VWF: variants seen among roughly 807,000 people sequenced by gnomAD.
The protein encoded by VWF is von Willebrand factor, also known as Factor VIII related antigen.
VWF carries 176 observed loss-of-function variants against 308.6 expected under a neutral mutation model. The ratio of observed to expected loss-of-function variants is 0.57; its 90% CI spans 0.50 to 0.65. The LOEUF is 0.65. Ranked by LOEUF, VWF falls within the 30% of genes least tolerant of loss-of-function variation. VWF has a pLI of 0.00. For missense variants in VWF, 3,146 were observed against 3,648.2 expected (o/e 0.86, Z 3.55); for synonymous variants, 1,385 against 1,443.4 (o/e 0.96, Z 0.92).
At position 6,013,788 on chromosome 12, in the gene VWF, G is replaced by A. The variant is rs74056780; in HGVS notation, c.5456-143C>T. 0.015 allele frequency: 13,983 copies of A among 930,730 alleles called. 1,109 individuals carry two copies. In the African/African-American group the frequency reaches 0.19, roughly 12 times the overall value. 57.7% of individuals were successfully genotyped at this position (930,730 alleles called of 1,614,324 possible). A position where few individuals can be genotyped will look rare whatever the true frequency, so the allele number is the denominator to read the frequency against. ...ATCAGCCCTATGAGGAAGATGTTCA[G>A]TCAACAGATATTAATGAGCTGCTAC... On this transcript the variant is annotated intron_variant, in intron 31 of 51. Coordinates refer to ENST00000261405, the MANE Select transcript of VWF (RefSeq NM_000552.5).
chr12:5,955,341 A>G (rs1001841775), intron 47 of VWF, among the ~76,000 whole-genome samples: 4 of 151,980 alleles, frequency 2.6e-5, no homozygotes, highest in African/African-American at 4.8e-5. Context: ...AGCATTACGT[A>G]TATCTCCTAA....
intron 10 of VWF, among the ~76,000 whole-genome samples, chr12:6,067,063 C>T (rs1944723512): frequency 6.6e-6 from 1 of 152,314 alleles, no homozygotes; most frequent in African/African-American, 2.4e-5. Flanking sequence ...CAGCATGGCC[C>T]ACCTTCTCCG....
At chr12:5,994,679 A>T in intron 35 of VWF, 72 bp from the exon 36 acceptor site, 1 of 1,396,928 alleles carries the variant, frequency 7.2e-7, no homozygotes, top group Non-Finnish European at 1.0e-6. Context: ...GAAGTTACCG[A>T]GAGTTCCTGC....
chr12:5,956,307 C>A (rs1459870179), intron 47 of VWF, among the ~76,000 whole-genome samples: 1 of 152,130 alleles, frequency 6.6e-6, no homozygotes. Flanking sequence ...AAAACAGCCT[C>A]GGGTAGGTCC....
At position 6,058,483 on chromosome 12, in the gene VWF, G is replaced by T. The variant is rs1408953828; in HGVS notation, c.1534-439C>A. Among the ~76,000 whole-genome samples the T allele has an allele frequency of 4.6e-5, 7 of 152,258 alleles. No homozygotes were observed. Among genetic ancestry groups the T allele is most frequent in the Non-Finnish European group, 4.4e-5 (3 of 68,026 alleles). ...CACCCAGAGTTACGTGCAAACTCAA[G>T]GCCCCTCTATATAGAAAGACTTCGC... is the stretch of plus-strand genomic sequence containing the variant. On this transcript the variant is annotated intron_variant, in intron 13 of 51. Coordinates refer to ENST00000261405, the MANE Select transcript of VWF (RefSeq NM_000552.5). This position sits in a 1 kb window ranked among gnomAD's most constrained non-coding sequence, Gnocchi z 4.9.
intron 13 of VWF, 92 bp downstream of exon 13, chr12:6,062,862 C>T: frequency 9.6e-7 from 1 of 1,044,566 alleles, no homozygotes; most frequent in Non-Finnish European, 1.4e-6. Context: ...AGGAATTCTT[C>T]TCCCACCACA....
rs1436657662 is a variant in VWF at position 6,075,426 on chromosome 12, C to T, written c.783G>A (p.Leu261=). ...CCAGGAGGGCAGGGCAGGCGCACTC[C>T]AGCCCCCCAGCACACTCACACAAAG... ...EKTLCECAGG[L]ECACPALLEY... The change falls in exon 7 of 52, where the codon CTG becomes CTA. Residue 261 remains leucine (L), a synonymous_variant. Transcript: ENST00000261405. The surrounding 1 kb of genome is among the most constrained non-coding windows in gnomAD (Gnocchi z 4.7). The T allele has an allele frequency of 1.9e-6, 3 of 1,614,176 alleles. No individual in the cohort carries two copies. The highest frequency in any genetic ancestry group is 1.1e-5 in the South Asian group (1 of 91,080).
At chr12:6,070,631 A>G (rs1482101302) in intron 10 of VWF, among the ~76,000 whole-genome samples, 1 of 152,236 alleles carries the variant, frequency 6.6e-6, no homozygotes, top group African/African-American at 2.4e-5. Context: ...CATAGAAAAC[A>G]CCACGTGAGT....
At chr12:6,091,975 G>A (rs1945039743) in intron 6 of VWF, among the ~76,000 whole-genome samples, 1 of 152,122 alleles carries the variant, frequency 6.6e-6, no homozygotes, top group African/African-American at 2.4e-5. Flanking sequence ...CTCTGCTGAT[G>A]GGCTGCGCAC....
chr12:6,010,905 T>C lies in VWF; in HGVS notation c.5842+712A>G, dbSNP rs559082538. ...TCTTCTGACAAAGTAACTATAGAAT[T>C]CTTTATGAATAAACAGAAGAAACCT... On this transcript the variant is annotated intron_variant, in intron 34 of 51. Transcript: ENST00000261405. 1.1e-4 allele frequency among the ~76,000 whole-genome samples: 16 copies of C among 152,322 alleles called. No individual in the cohort carries two copies. In the South Asian group the frequency reaches 3.1e-3, roughly 30 times the overall value.
intron 5 of VWF, among the ~76,000 whole-genome samples, chr12:6,105,401 A>T (rs1303923303): frequency 6.6e-6 from 1 of 151,884 alleles, no homozygotes; most frequent in Non-Finnish European, 1.5e-5. Context: ...GCTAATTTTT[A>T]TATTTTTAGT....
At chr12:6,050,591 A>G (rs1944497583) in intron 16 of VWF, among the ~76,000 whole-genome samples, 1 of 152,176 alleles carries the variant, frequency 6.6e-6, no homozygotes, top group African/African-American at 2.4e-5. Context: ...GCATGCGTTC[A>G]TGCCAGAGGA....
chr12:5,988,025 G>C (rs961984238), intron 38 of VWF, among the ~76,000 whole-genome samples: 4 of 152,140 alleles, frequency 2.6e-5, no homozygotes, highest in African/African-American at 9.7e-5. Flanking sequence ...AAAAATAAAA[G>C]AGCAGTAAGA....
intron 14 of VWF, among the ~76,000 whole-genome samples, 187 bp from the exon 15 acceptor site, chr12:6,057,259 T>C (rs1944590609): frequency 6.6e-6 from 1 of 151,520 alleles, no homozygotes; most frequent in Non-Finnish European, 1.5e-5. Flanking sequence ...ACGCTGAGTT[T>C]GTAAGCTGCT....
intron 37 of VWF, 119 bp downstream of exon 37, chr12:5,993,743 C>A: frequency 1.2e-6 from 1 of 865,142 alleles, no homozygotes; most frequent in South Asian, 1.5e-5. Flanking sequence ...AATCCCAGGT[C>A]ATACGAAATA....
At chr12:6,082,053 G>T (rs987230920) in intron 6 of VWF, among the ~76,000 whole-genome samples, 69 of 151,906 alleles carry the variant, frequency 4.5e-4, no homozygotes, top group African/African-American at 1.5e-3. Flanking sequence ...TGCAACCTCT[G>T]CCTCTAGGGT....
At chr12:6,044,184 G>A (rs1447456458) in intron 18 of VWF, 107 bp downstream of exon 18, 14 of 1,409,948 alleles carry the variant, frequency 9.9e-6, no homozygotes, top group African/African-American at 4.2e-5. Flanking sequence ...ATTGCTATCC[G>A]TGTTTAGCCC....
intron 12 of VWF, among the ~76,000 whole-genome samples, 182 bp downstream of exon 12, chr12:6,064,064 G>A (rs1315826661): frequency 1.3e-5 from 2 of 152,178 alleles, no homozygotes; most frequent in Non-Finnish European, 2.9e-5. Flanking sequence ...CCTCCAGGAA[G>A]CCTTCCTTTC....
chr12:6,121,917 T>A (rs1448836551), intron 2 of VWF, among the ~76,000 whole-genome samples: 5 of 150,102 alleles, frequency 3.3e-5, no homozygotes, highest in African/African-American at 1.2e-4. Context: ...GGCGACAGAG[T>A]GAGACTCTGT....
Sources: allele counts gnomAD v4.1 joint callset (sites outside exome capture counted in the v4.1 genomes callset), GRCh38; gene constraint gnomAD v4.1.1; non-coding constraint Gnocchi (gnomAD v3.1); transcripts MANE v1.5; gene names NCBI Gene and HGNC (gene_info 2026-07-23, HGNC 2026-07-21).